MAPKAP1: variants seen among roughly 807,000 people sequenced by gnomAD.
The protein encoded by MAPKAP1 is MAPK associated protein 1.
Under a neutral mutation model 65.7 loss-of-function variants are expected in MAPKAP1, and 20 were observed. The observed-to-expected ratio is 0.30, with a 90% CI of 0.21 to 0.44. MAPKAP1 has a LOEUF of 0.44. Among genes scored for constraint, MAPKAP1 ranks in the 20% least tolerant of loss-of-function variants. The pLI, the probability that MAPKAP1 is intolerant of heterozygous loss-of-function variation, is 1.00. For synonymous variants in MAPKAP1, 222 were observed against 244.3 expected, an observed-to-expected ratio of 0.91 and a Z score of 0.85; for missense variants, 423 against 648.0, an observed-to-expected ratio of 0.65 and a Z score of 3.77.
intron 1 of MAPKAP1, 39 bp downstream of exon 1, chr9:125,706,932 A>C (rs867848335): frequency 5.1e-6 from 2 of 390,692 alleles, no homozygotes; most frequent in South Asian, 2.9e-4. Context: ...TGGTGGGCTG[A>C]CGGACGGGCG....
At chr9:125,502,692 A>AT (rs1829020416) in intron 8 of MAPKAP1, among the ~76,000 whole-genome samples, 1 of 152,148 alleles carries the variant, frequency 6.6e-6, no homozygotes. Flanking sequence ...GATTTACTTT[A>AT]TTGCTTAGCA....
chr9:125,446,648 A>C (rs10760398), intron 10 of MAPKAP1, among the ~76,000 whole-genome samples: 54,435 of 151,866 alleles, frequency 0.36, 10,104 homozygotes, highest in East Asian at 0.61. Context: ...TCCAGGAGGC[A>C]TTCCTGCTGA....
At chr9:125,613,973 A>G (rs1832676178) in intron 4 of MAPKAP1, among the ~76,000 whole-genome samples, 1 of 151,680 alleles carries the variant, frequency 6.6e-6, no homozygotes, top group Admixed American at 6.6e-5. Flanking sequence ...AATTTTTTGT[A>G]TTTTTTAATA....
At chr9:125,554,920 A>C (rs942370545) in intron 6 of MAPKAP1, among the ~76,000 whole-genome samples, 1 of 152,160 alleles carries the variant, frequency 6.6e-6, no homozygotes, top group African/African-American at 2.4e-5. Context: ...TTAAAAATAC[A>C]CTGTTTAAAA....
At chr9:125,596,110 C>A in intron 4 of MAPKAP1, 3 of 834,966 alleles carry the variant, frequency 3.6e-6, no homozygotes, top group Non-Finnish European at 6.2e-6. Context: ...AGGGGACTTG[C>A]CTTTGTAACC....
intron 8 of MAPKAP1, among the ~76,000 whole-genome samples, chr9:125,499,625 G>C (rs1251994422): frequency 6.6e-6 from 1 of 152,158 alleles, no homozygotes; most frequent in African/African-American, 2.4e-5. Context: ...GAAGTAGAGT[G>C]GGAACTAGAG....
chr9:125,670,794 C>T (rs1202339767), intron 2 of MAPKAP1, among the ~76,000 whole-genome samples: 1 of 152,192 alleles, frequency 6.6e-6, no homozygotes, highest in African/African-American at 2.4e-5. Context: ...CAATTGATGC[C>T]ATCTCTTGAA....
intron 5 of MAPKAP1, among the ~76,000 whole-genome samples, chr9:125,584,610 AGAGAAAGG>A: frequency 6.6e-6 from 1 of 152,254 alleles, no homozygotes; most frequent in African/African-American, 2.4e-5. Context: ...TATTTTCAGT[AGAGAAAGG>A]GTTTCACCAT....
At chr9:125,534,513 T>C (rs556013958) in intron 7 of MAPKAP1, among the ~76,000 whole-genome samples, 3 of 152,310 alleles carry the variant, frequency 2.0e-5, no homozygotes, top group Admixed American at 6.5e-5. Context: ...TCCCGATGAG[T>C]AGCTTCTACT....
At chr9:125,619,232 G>A (rs554122487) in intron 4 of MAPKAP1, among the ~76,000 whole-genome samples, 1 of 152,254 alleles carries the variant, frequency 6.6e-6, no homozygotes, top group Admixed American at 6.5e-5. Context: ...TTTAAAGAGG[G>A]AGTTAACATT....
In MAPKAP1 at chr9:125,439,136, G is replaced by A. The variant is rs113606074; in HGVS notation, c.1444-124C>T. The A allele has an allele frequency of 7.6e-6, 8 of 1,049,804 alleles. No individual in the cohort carries two copies. In the African/African-American group the frequency reaches 1.1e-4, roughly 15 times the overall value. The allele number at this position is 1,049,804 out of a possible 1,614,324, so 65.0% of individuals were successfully genotyped here. ...GTGCCTCAGGGCCAGGTGCTGTCGT[G>A]TGGAAGGAGTCCAGTCATCACAGCA... is the stretch of plus-strand genomic sequence containing the variant. On this transcript the variant is annotated intron_variant, in intron 11 of 11. Transcript: ENST00000265960. The surrounding 1 kb of genome is among the most constrained non-coding windows in gnomAD (Gnocchi z 4.0).
intron 8 of MAPKAP1, among the ~76,000 whole-genome samples, chr9:125,500,234 A>C (rs779715510): frequency 4.0e-5 from 6 of 151,854 alleles, no homozygotes; most frequent in Non-Finnish European, 7.4e-5. Flanking sequence ...GTCACCCAGG[A>C]TGGAGTGCAG....
chr9:125,559,566 A>T, intron 6 of MAPKAP1, 67 bp downstream of exon 6: 4 of 1,492,070 alleles, frequency 2.7e-6, no homozygotes, highest in Non-Finnish European at 3.6e-6. Flanking sequence ...AACAAAACCA[A>T]AATCAGATCC....
At chr9:125,456,793 T>C (rs1043128417) in intron 10 of MAPKAP1, among the ~76,000 whole-genome samples, 2 of 152,188 alleles carry the variant, frequency 1.3e-5, no homozygotes, top group African/African-American at 4.8e-5. Context: ...AGCTGATGTC[T>C]TGATTGCAGC....
intron 7 of MAPKAP1, among the ~76,000 whole-genome samples, chr9:125,541,346 T>C (rs904859654): frequency 1.3e-5 from 2 of 152,218 alleles, no homozygotes; most frequent in South Asian, 2.1e-4. Context: ...AGGAGTTTCA[T>C]GGTCTGAAAA....
intron 1 of MAPKAP1, among the ~76,000 whole-genome samples, chr9:125,697,133 A>G (rs897151692): frequency 6.6e-6 from 1 of 152,204 alleles, no homozygotes; most frequent in Non-Finnish European, 1.5e-5. Context: ...CTTTTGGGGG[A>G]AAAGAAGGCT....
rs746861004 is a variant in MAPKAP1 at position 125,672,365 on chromosome 9, G to A, written c.210C>T (p.Val70=). 9.3e-6 allele frequency: 15 copies of A among 1,614,072 alleles called. No homozygotes were observed. In the East Asian group the frequency reaches 1.1e-4, roughly 12 times the overall value. Reference sequence around the variant, plus strand: ...CAAAGTCCCAACTTGAGGTAATATCGACTGACTGGGCATATACATAGCCCT... The same window carrying A: ...CAAAGTCCCAACTTGAGGTAATATCAACTGACTGGGCATATACATAGCCCT... ...ETQGYVYAQS[V]DITSSWDFGI... Residue 70 remains valine (V), a synonymous_variant, in exon 2 of 12, where the codon GTC becomes GTT. Coordinates refer to ENST00000265960, the MANE Select transcript of MAPKAP1 (RefSeq NM_001006617.3).
intron 9 of MAPKAP1, among the ~76,000 whole-genome samples, chr9:125,483,147 T>C (rs1854378862): frequency 6.6e-6 from 1 of 152,194 alleles, no homozygotes; most frequent in African/African-American, 2.4e-5. Flanking sequence ...TACTCAGTGC[T>C]TTACATGTGG....
chr9:125,461,142 C>G (rs1853479060), intron 10 of MAPKAP1, among the ~76,000 whole-genome samples: 1 of 152,198 alleles, frequency 6.6e-6, no homozygotes, highest in African/African-American at 2.4e-5. Context: ...TACTGGAAAC[C>G]AAACTGGGTC....
Sources: allele counts gnomAD v4.1 joint callset (sites outside exome capture counted in the v4.1 genomes callset), GRCh38; gene constraint gnomAD v4.1.1; non-coding constraint Gnocchi (gnomAD v3.1); transcripts MANE v1.5; gene names NCBI Gene and HGNC (gene_info 2026-07-23, HGNC 2026-07-21).